The following SLC35D2 variants were observed in gnomAD, a reference collection of about 807,000 sequenced individuals.
SLC35D2 encodes nucleotide sugar transporter SLC35D2.
A neutral mutation model predicts 41.8 loss-of-function variants in SLC35D2; 43 were observed. The observed-to-expected ratio is 1.03, with a 90% CI of 0.81 to 1.33. The LOEUF is 1.33. Ranked by LOEUF, SLC35D2 falls within the 40% of genes most tolerant of loss-of-function variation. SLC35D2 has a pLI of 0.00. For missense variants in SLC35D2, 380 were observed against 408.4 expected, an observed-to-expected ratio of 0.93 and a Z score of 0.60; for synonymous variants, 150 against 163.9, an observed-to-expected ratio of 0.92 and a Z score of 0.65.
chr9:96,368,345 TA>T, intron 1 of SLC35D2, 40 bp from the exon 2 acceptor site: 1 of 1,531,712 alleles, frequency 6.5e-7, no homozygotes, highest in Non-Finnish European at 9.0e-7. Flanking sequence ...TGAGCAAATA[TA>T]AAACTCTGAA....
intron 9 of SLC35D2, among the ~76,000 whole-genome samples, chr9:96,328,154 A>G (rs1346309366): frequency 1.3e-5 from 2 of 152,232 alleles, no homozygotes; most frequent in South Asian, 2.1e-4. Context: ...CAACCTCCAC[A>G]TGACTAGCTT....
At chr9:96,350,020 T>G (rs1255077592) in intron 6 of SLC35D2, among the ~76,000 whole-genome samples, 2 of 152,042 alleles carry the variant, frequency 1.3e-5, no homozygotes, top group African/African-American at 4.8e-5. Context: ...ATACCTGCGG[T>G]GTGAATTGGA....
At chr9:96,368,391 C>G (rs1587715019) in intron 1 of SLC35D2, 86 bp from the exon 2 acceptor site, 3 of 937,558 alleles carry the variant, frequency 3.2e-6, no homozygotes, top group Non-Finnish European at 4.8e-6. Context: ...AGTTATTAAA[C>G]AATCTGAGAA....
rs560078163 is a variant in SLC35D2 at position 96,322,051 on chromosome 9, T to C, written c.861A>G (p.Leu287=). The stretch of plus-strand genomic sequence containing the variant: ...AAGAGAAAATGTAGTCTCCACCGAT[T>C]AATATCCCAATGTAGGCAACGGATA... ...KNVSVAYIGI[L]IGGDYIFSLL... Residue 287 remains leucine (L), a synonymous_variant, in exon 11 of 12, where the codon TTA becomes TTG. Coordinates refer to ENST00000253270, the MANE Select transcript of SLC35D2 (RefSeq NM_007001.3). 8.1e-6 allele frequency: 13 copies of C among 1,607,276 alleles called. No individual in the cohort carries two copies. The African/African-American group carries it at 1.2e-4, about 15-fold the overall frequency.
chr9:96,333,323 G>A (rs560844214), intron 9 of SLC35D2, among the ~76,000 whole-genome samples: 3 of 151,976 alleles, frequency 2.0e-5, no homozygotes, highest in East Asian at 2.0e-4. Flanking sequence ...TAGGCCGGGC[G>A]TGGTGGCTCA....
intron 1 of SLC35D2, among the ~76,000 whole-genome samples, chr9:96,372,832 C>G (rs1021273540): frequency 6.6e-6 from 1 of 150,974 alleles, no homozygotes; most frequent in Admixed American, 6.6e-5. Flanking sequence ...GTGATCCGCC[C>G]ACCTCTGCCT....
chr9:96,326,385 C>A (rs913844598), intron 9 of SLC35D2, among the ~76,000 whole-genome samples: 1 of 152,162 alleles, frequency 6.6e-6, no homozygotes, highest in African/African-American at 2.4e-5. Flanking sequence ...GGATTTTAAT[C>A]AGCTAAACTT....
chr9:96,361,859 G>A (rs772750597), intron 3 of SLC35D2, among the ~76,000 whole-genome samples: 11 of 152,070 alleles, frequency 7.2e-5, no homozygotes, highest in Non-Finnish European at 1.3e-4. Flanking sequence ...TTTGGTCCTG[G>A]ACTTCCAGCC....
In SLC35D2 at chr9:96,351,974, G is replaced by C. The variant is rs1829830379; in HGVS notation, c.419+64C>G. 2.5e-5 allele frequency: 26 copies of C among 1,041,684 alleles called. No individual in the cohort carries two copies. The South Asian group carries it at 3.1e-4, about 12-fold the overall frequency. 64.5% of individuals were successfully genotyped at this position (1,041,684 alleles called of 1,614,324 possible). A position where few individuals can be genotyped will look rare whatever the true frequency, so the allele number is the denominator to read the frequency against. ...CAACTAGCAATGGCTACTAGAATTT[G>C]CTGGGTAAAAGAAATGCAGTGGGTG... On this transcript the variant is annotated intron_variant, in intron 5 of 11. Transcript: ENST00000253270.
chr9:96,357,822 T>C (rs892108325), intron 4 of SLC35D2, among the ~76,000 whole-genome samples: 5 of 151,834 alleles, frequency 3.3e-5, no homozygotes, highest in Non-Finnish European at 5.9e-5. Flanking sequence ...GCAGACTGCT[T>C]GAGCTCAGGA....
At chr9:96,330,437 A>T (rs1051342822) in intron 9 of SLC35D2, among the ~76,000 whole-genome samples, 1 of 152,220 alleles carries the variant, frequency 6.6e-6, no homozygotes, top group African/African-American at 2.4e-5. Flanking sequence ...ACCCACAGGC[A>T]TCGCCTTAAA....
intron 6 of SLC35D2, 172 bp downstream of exon 6, chr9:96,350,931 C>T (rs528989461): frequency 1.5e-5 from 8 of 517,406 alleles, no homozygotes; most frequent in African/African-American, 1.3e-4. Context: ...CAATGTGGGA[C>T]CCACTTTGAC....
rs1204476445 is a variant in SLC35D2, at chr9:96,368,257, T to C, written c.192+15A>G. On this transcript the variant is annotated intron_variant, in intron 2 of 11. Coordinates refer to ENST00000253270, the MANE Select transcript of SLC35D2 (RefSeq NM_007001.3). ...ATAACAAAATAAGAGGTTAATTCTA[T>C]TTTTTTTCACTCACCTGTCCAATTC... 3 of 1,537,004 alleles carry C rather than the reference T, an allele frequency of 2.0e-6. No homozygotes were observed. Among genetic ancestry groups the C allele is most frequent in the South Asian group, 1.2e-5 (1 of 83,972 alleles).
chr9:96,333,456 G>A (rs879530730), intron 9 of SLC35D2, among the ~76,000 whole-genome samples: 72 of 151,768 alleles, frequency 4.7e-4, no homozygotes, highest in African/African-American at 1.4e-3. Flanking sequence ...AAAATTAGCC[G>A]TGGTGGCGGG....
chr9:96,352,099 A>G lies in SLC35D2; in HGVS notation c.358T>C (p.Phe120Leu). The G allele has an allele frequency of 6.2e-7, 1 of 1,611,628 alleles. No homozygotes were observed. The highest frequency in any genetic ancestry group is 8.5e-7 in the Non-Finnish European group (1 of 1,178,464). The change falls in exon 5 of 12, where the codon TTC becomes CTC. Residue 120 changes from phenylalanine (F) to leucine (L), a missense_variant. Physicochemically the swap from Phe to Leu is conservative, Grantham distance 22. Transcript: ENST00000253270. The part of the protein sequence containing the change: ...SSTSKLSLPM[F>L]TVLRKFTIPL... The stretch of plus-strand genomic sequence containing the variant: ...ATGGTGAATTTCCTGAGCACGGTGA[A>G]CATCGGTAGGCTGCCAGGAAAAGAG...
chr9:96,336,088 C>CA (rs1564094095), intron 9 of SLC35D2, among the ~76,000 whole-genome samples: 1 of 148,798 alleles, frequency 6.7e-6, no homozygotes, highest in Non-Finnish European at 1.5e-5. Flanking sequence ...ATTTCAAGAA[C>CA]AAAAAAGCCT....
chr9:96,320,291 A>G (rs1420169309), downstream of SLC35D2, among the ~76,000 whole-genome samples: 1 of 152,216 alleles, frequency 6.6e-6, no homozygotes, highest in Non-Finnish European at 1.5e-5. Context: ...AGGTGGGCAG[A>G]TCACCTGAGG....
chr9:96,383,539 G>T lies in SLC35D2; in HGVS notation c.96C>A (p.Leu32=). The change falls in exon 1 of 12, where the codon CTC becomes CTA. Residue 32 remains leucine (L), a synonymous_variant. Coordinates refer to ENST00000253270, the MANE Select transcript of SLC35D2 (RefSeq NM_007001.3). The part of the protein sequence containing the change: ...PSRVARLLSA[L]FYGTCSFLIV... ...TGAGGAAGGAGCAGGTCCCGTAGAA[G>T]AGCGCCGACAGCAGCCGGGCCACCC... 6.6e-7 allele frequency: 1 copy of T among 1,512,940 alleles called. No individual in the cohort carries two copies. Among genetic ancestry groups the T allele is most frequent in the East Asian group, 2.8e-5 (1 of 35,628 alleles). 93.7% of individuals were successfully genotyped at this position (1,512,940 alleles called of 1,614,324 possible). A position where few individuals can be genotyped will look rare whatever the true frequency, so the allele number is the denominator to read the frequency against.
intron 6 of SLC35D2, chr9:96,350,799 A>C (rs1197582645): frequency 4.4e-6 from 1 of 227,408 alleles, no homozygotes; most frequent in African/African-American, 2.3e-5. Flanking sequence ...TTCTCAAGTA[A>C]AGTTGTTATA....
Sources: gnomAD v4.1 joint callset for allele counts (sites outside exome capture counted in the v4.1 genomes callset) on GRCh38, gnomAD v4.1.1 for gene constraint, MANE v1.5 for transcripts, NCBI Gene and HGNC (gene_info 2026-07-23, HGNC 2026-07-21) for gene names.